The following WNK3 variants were observed in gnomAD, a reference collection of about 807,000 sequenced individuals.
WNK3 encodes the protein WNK lysine deficient protein kinase 3.
Under a neutral mutation model 116.7 loss-of-function variants are expected in WNK3, and 18 were observed. That is an observed-to-expected ratio of 0.15 (90% CI 0.11 to 0.23). WNK3 has a LOEUF of 0.23. WNK3 is among the 10% of genes least tolerant of loss of function. The probability of loss-of-function intolerance (pLI) is 1.00; values close to 1 mark genes in which losing one functional copy is unlikely to be tolerated. For missense variants in WNK3, 993 were observed against 1,323.8 expected (o/e 0.75, Z 3.88); for synonymous variants, 404 against 469.4 (o/e 0.86, Z 1.80).
intron 22 of WNK3, among the ~76,000 whole-genome samples, chrX:54,213,045 A>G (rs1399742911): frequency 1.8e-5 from 2 of 110,434 alleles, no homozygotes; most frequent in African/African-American, 3.3e-5. Context: ...TGCAATAACA[A>G]TAACTGTTCA....
chrX:54,229,192 A>G (rs2146834636), intron 21 of WNK3, among the ~76,000 whole-genome samples: 1 of 111,128 alleles, frequency 9.0e-6, no homozygotes, highest in East Asian at 2.8e-4. Context: ...TTAGGTATAA[A>G]TAAATCGAAA....
intron 10 of WNK3, among the ~76,000 whole-genome samples, chrX:54,269,753 C>A (rs1183181045): frequency 9.0e-6 from 1 of 110,857 alleles, no homozygotes; most frequent in African/African-American, 3.3e-5. Flanking sequence ...ACTATTGATA[C>A]ATGCAACAAT....
intron 22 of WNK3, among the ~76,000 whole-genome samples, chrX:54,205,740 TA>T (rs1400059698): frequency 8.9e-6 from 1 of 112,486 alleles, no homozygotes; most frequent in African/African-American, 3.2e-5. Flanking sequence ...TGATTTCATT[TA>T]AAAGTTATTC....
intron 22 of WNK3, among the ~76,000 whole-genome samples, chrX:54,215,302 T>C (rs1365244951): frequency 9.0e-6 from 1 of 110,615 alleles, no homozygotes; most frequent in East Asian, 2.9e-4. Flanking sequence ...CTGATTCTCC[T>C]GCCTCAGCCT....
In WNK3 at chrX:54,205,232, AAACCAACCAACC is replaced by A. The variant is rs781988632; in HGVS notation, c.4871-3051_4871-3040del. On this transcript the variant is annotated intron_variant, in intron 22 of 23. Transcript: ENST00000354646. Reference sequence around the variant, plus strand: ...TCCACACACACACACACACAAAACCAAACCAACCAACCAACCAACCAACCAACCAACCAACCA... The same window carrying A: ...TCCACACACACACACACACAAAACCAAACCAACCAACCAACCAACCAACCA... 2.9e-4 allele frequency among the ~76,000 whole-genome samples: 28 copies of A among 96,315 alleles called. 1 individual carries two copies. The highest frequency in any genetic ancestry group is 4.5e-5 in the African/African-American group (1 of 22,369). 83.6% of individuals were successfully genotyped at this position (96,315 alleles called of 115,157 possible). A position where few individuals can be genotyped will look rare whatever the true frequency, so the allele number is the denominator to read the frequency against.
At chrX:54,296,931 C>T (rs1603392355) in intron 7 of WNK3, among the ~76,000 whole-genome samples, 2 of 110,790 alleles carry the variant, frequency 1.8e-5, no homozygotes, top group Admixed American at 1.9e-4. Context: ...GAGTGGCCCA[C>T]TCCCCATCAA....
At chrX:54,291,332 G>A (rs974452733) in intron 10 of WNK3, among the ~76,000 whole-genome samples, 4 of 110,899 alleles carry the variant, frequency 3.6e-5, no homozygotes, top group African/African-American at 1.3e-4. Flanking sequence ...AAAACAAAAC[G>A]AAACAAAACA....
intron 1 of WNK3, among the ~76,000 whole-genome samples, chrX:54,351,406 C>T (rs1557178502): frequency 1.8e-5 from 2 of 109,472 alleles, no homozygotes; most frequent in African/African-American, 3.3e-5. Context: ...GGTTAAAAGG[C>T]GTTTTAATCT....
intron 2 of WNK3, among the ~76,000 whole-genome samples, chrX:54,320,691 C>T (rs1171462414): frequency 1.8e-5 from 2 of 108,416 alleles, no homozygotes; most frequent in African/African-American, 6.7e-5. Flanking sequence ...TGCCTATGCT[C>T]AGCTTTTTTT....
At chrX:54,221,589 T>G (rs1317616549) in intron 22 of WNK3, among the ~76,000 whole-genome samples, 1 of 111,514 alleles carries the variant, frequency 9.0e-6, no homozygotes, top group Non-Finnish European at 1.9e-5. Flanking sequence ...ATCCAGCATT[T>G]TGGGAGGCCG....
Position 54,327,882 on chromosome X carries a change from CAATT to C in WNK3, c.537+5251_537+5254del, listed in dbSNP as rs1283538951. Among the ~76,000 whole-genome samples, 5 of 109,320 alleles carry C rather than the reference CAATT, an allele frequency of 4.6e-5. No individual in the cohort carries two copies. In the Admixed American group the frequency reaches 4.9e-4, roughly 11 times the overall value. The allele number at this position is 109,320 out of a possible 115,157, so 94.9% of individuals were successfully genotyped here. A position where few individuals can be genotyped will look rare whatever the true frequency, so the allele number is the denominator to read the frequency against. ...ACTAGGGAGGCTGAGGTGGGAGAAT[CAATT>C]AAGCCCACAAGGTCAAGGCTACAGT... On this transcript the variant is annotated intron_variant, in intron 2 of 23. Coordinates refer to ENST00000354646, the Ensembl canonical transcript of WNK3.
At chrX:54,231,871 T>G (rs974424811) in intron 21 of WNK3, among the ~76,000 whole-genome samples, 4 of 110,841 alleles carry the variant, frequency 3.6e-5, no homozygotes, top group Non-Finnish European at 7.5e-5. Flanking sequence ...CCACCTTGAC[T>G]ATGCACATAT....
chrX:54,333,690 A>C (rs1237457534), exon 2 of WNK3: 6 of 1,172,432 alleles, frequency 5.1e-6, no homozygotes, highest in Non-Finnish European at 6.8e-6. Context: ...TAAAGTTGGC[A>C]CTAAAATTTT....
intron 1 of WNK3, among the ~76,000 whole-genome samples, chrX:54,339,344 G>T (rs1557176007): frequency 9.0e-6 from 1 of 111,065 alleles, no homozygotes. Context: ...TGACCTAAGT[G>T]ACATCTACAG....
intron 1 of WNK3, among the ~76,000 whole-genome samples, chrX:54,346,279 CAAAAAAA>C (rs150788845): frequency 1.3e-4 from 4 of 30,339 alleles, no homozygotes; most frequent in African/African-American, 4.6e-4. Context: ...GCTGATCAGC[CAAAAAAA>C]AAAAAAAAAA....
intron 10 of WNK3, among the ~76,000 whole-genome samples, chrX:54,290,910 C>A (rs1200875590): frequency 4.5e-5 from 5 of 111,286 alleles, no homozygotes; most frequent in Non-Finnish European, 7.5e-5. Context: ...GTGAAAAGGG[C>A]AGGCTACAAA....
intron 10 of WNK3, among the ~76,000 whole-genome samples, chrX:54,284,592 C>G (rs2068558488): frequency 9.0e-6 from 1 of 110,801 alleles, no homozygotes; most frequent in African/African-American, 3.3e-5. Context: ...AGCCCAAAAC[C>G]AGAAATCACT....
intron 3 of WNK3, among the ~76,000 whole-genome samples, chrX:54,310,702 C>T (rs2068877936): frequency 9.0e-6 from 1 of 110,772 alleles, no homozygotes. Flanking sequence ...TTTAACCTAA[C>T]TTAAAACAGT....
intron 10 of WNK3, among the ~76,000 whole-genome samples, chrX:54,273,136 CA>C (rs2068402549): frequency 8.9e-6 from 1 of 112,004 alleles, no homozygotes; most frequent in South Asian, 3.7e-4. Flanking sequence ...TAGATATTTG[CA>C]ACAACAAAAT....
Sources: allele counts gnomAD v4.1 joint callset (sites outside exome capture counted in the v4.1 genomes callset), GRCh38; gene constraint gnomAD v4.1.1; transcripts MANE v1.5; gene names NCBI Gene and HGNC (gene_info 2026-07-23, HGNC 2026-07-21).